Variants in MED12L observed in about 807,000 individuals in gnomAD.
MED12L encodes mediator complex subunit 12L.
MED12L carries 60 observed loss-of-function variants against 281.3 expected under a neutral mutation model. The ratio of observed to expected loss-of-function variants is 0.21; its 90% CI spans 0.17 to 0.26. The LOEUF is 0.26. Ranked by LOEUF, MED12L falls within the 10% of genes least tolerant of loss-of-function variation. MED12L has a pLI of 1.00. For synonymous variants in MED12L, 974 were observed against 987.2 expected, an observed-to-expected ratio of 0.99 and a Z score of 0.25; for missense variants, 2,146 against 2,680.9, an observed-to-expected ratio of 0.80 and a Z score of 4.41.
At chr3:151,155,610 G>T (rs539349920) in intron 5 of MED12L, among the ~76,000 whole-genome samples, 3 of 152,306 alleles carry the variant, frequency 2.0e-5, no homozygotes, top group East Asian at 1.9e-4. Flanking sequence ...GGTCCAGCCC[G>T]CAGTGAATGA....
intron 16 of MED12L, among the ~76,000 whole-genome samples, chr3:151,233,734 A>T (rs1361818489): frequency 1.3e-5 from 2 of 152,164 alleles, no homozygotes; most frequent in Admixed American, 1.3e-4. Context: ...ACTCCGTCTC[A>T]AAAAAACAAA....
At chr3:151,305,095 G>C in intron 16 of MED12L, among the ~76,000 whole-genome samples, 1 of 152,194 alleles carries the variant, frequency 6.6e-6, no homozygotes, top group Non-Finnish European at 1.5e-5. Context: ...CAGTGCCTCA[G>C]CTTCAGCGCT....
intron 16 of MED12L, among the ~76,000 whole-genome samples, chr3:151,323,187 C>T (rs961687983): frequency 6.6e-6 from 1 of 152,170 alleles, no homozygotes; most frequent in Non-Finnish European, 1.5e-5. Flanking sequence ...GAACTTAAAA[C>T]CTCTCTCCCT....
intron 16 of MED12L, chr3:151,241,702 T>G (rs1042637220): frequency 6.6e-6 from 1 of 152,234 alleles, no homozygotes; most frequent in Non-Finnish European, 1.5e-5. Flanking sequence ...TAATTTTTTT[T>G]CATTTTTCTC....
chr3:151,312,037 G>A (rs546475191), intron 16 of MED12L, among the ~76,000 whole-genome samples: 4 of 71,446 alleles, frequency 5.6e-5, no homozygotes, highest in East Asian at 3.2e-4. Context: ...GCGAGACTCC[G>A]TCTCAAAAAC....
intron 16 of MED12L, among the ~76,000 whole-genome samples, chr3:151,217,927 C>T (rs1728556886): frequency 6.6e-6 from 1 of 152,026 alleles, no homozygotes; most frequent in African/African-American, 2.4e-5. Flanking sequence ...TCTCTTAAGG[C>T]AAGTAAGACC....
chr3:151,140,847 TTTTG>T (rs201249568), intron 5 of MED12L, among the ~76,000 whole-genome samples: 12,271 of 145,618 alleles, frequency 0.084, 747 homozygotes, highest in African/African-American at 0.17. Context: ...ACGCAGATAA[TTTTG>T]TTTGTTTGTT....
At chr3:151,303,758 G>A (rs943434353) in intron 16 of MED12L, among the ~76,000 whole-genome samples, 9 of 151,672 alleles carry the variant, frequency 5.9e-5, no homozygotes, top group East Asian at 1.9e-4. Flanking sequence ...GTGAGACTCC[G>A]TCTCAAAACA....
chr3:151,425,000 C>T (rs141614885), intron 43 of MED12L, among the ~76,000 whole-genome samples: 3 of 152,256 alleles, frequency 2.0e-5, no homozygotes, highest in East Asian at 1.9e-4. Context: ...ACTCTGGTGC[C>T]CTTGGAACCC....
chr3:151,278,260 C>T (rs1463007475), intron 16 of MED12L: 1 of 152,226 alleles, frequency 6.6e-6, no homozygotes, highest in Non-Finnish European at 1.5e-5. Context: ...ACATGCAAGT[C>T]ATTTCATGGA....
chr3:151,140,565 C>T (rs1200865954), intron 5 of MED12L, among the ~76,000 whole-genome samples: 2 of 152,146 alleles, frequency 1.3e-5, no homozygotes, highest in Non-Finnish European at 2.9e-5. Flanking sequence ...AATATTATAC[C>T]CTCTTCCAAG....
chr3:151,183,909 T>A (rs2149067252), intron 11 of MED12L, among the ~76,000 whole-genome samples: 1 of 152,348 alleles, frequency 6.6e-6, no homozygotes, highest in South Asian at 2.1e-4. Context: ...GGTAACTCTT[T>A]TTGTTATCTT....
chr3:151,190,951 GCCCCACTC>G lies in MED12L; in HGVS notation c.1968+26_1968+33del. ...ATGGAGGTATGGCCCTGGATATGATGCCCCACTCCCCCAGAAACTAAACTCTACTGGGA... is the reference window on the plus strand; with the variant it reads ...ATGGAGGTATGGCCCTGGATATGATGCCCCAGAAACTAAACTCTACTGGGA... On this transcript the variant is annotated intron_variant, in intron 14 of 44. Transcript: ENST00000687756. 6.2e-7 allele frequency: 1 copy of G among 1,606,414 alleles called. No individual in the cohort carries two copies. Among genetic ancestry groups the G allele is most frequent in the South Asian group, 1.1e-5 (1 of 90,828 alleles).
chr3:151,260,877 G>A (rs749077099), intron 16 of MED12L, among the ~76,000 whole-genome samples: 2 of 152,038 alleles, frequency 1.3e-5, no homozygotes, highest in African/African-American at 4.8e-5. Flanking sequence ...GACGTTTCCA[G>A]TAAAGTCAAC....
chr3:151,207,779 G>A (rs973763779), intron 16 of MED12L, among the ~76,000 whole-genome samples: 4 of 152,196 alleles, frequency 2.6e-5, no homozygotes, highest in Admixed American at 2.6e-4. Context: ...GGGAAGGGAG[G>A]AATAGCTGAG....
Position 151,145,407 on chromosome 3 carries a change from G to A in MED12L, c.557-10754G>A, listed in dbSNP as rs142882267. On this transcript the variant is annotated intron_variant, in intron 5 of 44. Coordinates refer to ENST00000687756, the MANE Select transcript of MED12L (RefSeq NM_001393769.1). ...TTGCATCCCACATATGGTAATGTTC[G>A]CTACATTTGCATCTTTCCCCTGACC... 2.7e-4 allele frequency among the ~76,000 whole-genome samples: 41 copies of A among 152,272 alleles called. No homozygotes were observed. The East Asian group carries it at 6.7e-3, about 25-fold the overall frequency.
chr3:151,393,914 A>G (rs997246832), intron 38 of MED12L, among the ~76,000 whole-genome samples: 1 of 150,650 alleles, frequency 6.6e-6, no homozygotes, highest in East Asian at 1.9e-4. Context: ...TTTCATTTAC[A>G]TGTATCAAGG....
intron 16 of MED12L, chr3:151,269,856 A>G: frequency 2.2e-6 from 1 of 455,492 alleles, no homozygotes; most frequent in Non-Finnish European, 4.3e-6. Flanking sequence ...GTCAGCAGGA[A>G]GAGGCAGCAC....
chr3:151,173,201 CTT>C (rs1721646227), intron 11 of MED12L, among the ~76,000 whole-genome samples: 1 of 151,334 alleles, frequency 6.6e-6, no homozygotes, highest in Non-Finnish European at 1.5e-5. Context: ...CTTACTTTCT[CTT>C]TTTAAAAAAT....
Sources: allele counts gnomAD v4.1 joint callset (sites outside exome capture counted in the v4.1 genomes callset), GRCh38; gene constraint gnomAD v4.1.1; transcripts MANE v1.5; gene names NCBI Gene and HGNC (gene_info 2026-07-23, HGNC 2026-07-21).